Variants in INTS14 observed in about 807,000 individuals in gnomAD.
INTS14 encodes the protein UPF0464 protein C15orf44.
A neutral mutation model predicts 56.9 loss-of-function variants in INTS14; 27 were observed. That is an observed-to-expected ratio of 0.47 (90% CI 0.35 to 0.65). The LOEUF (loss-of-function observed/expected upper bound fraction) is 0.65. Among genes scored for constraint, INTS14 ranks in the 30% least tolerant of loss-of-function variants. The pLI, the probability that INTS14 is intolerant of heterozygous loss-of-function variation, is 0.00. For missense variants in INTS14, 517 were observed against 632.2 expected (o/e 0.82, Z 1.95); for synonymous variants, 207 against 236.2 (o/e 0.88, Z 1.13).
rs754262691 is a variant in INTS14 at position 65,599,972 on chromosome 15, A to G, written c.331-43T>C. ...GAGAGGAGGTTGTACATTAAATTAC[A>G]TATTTAACGCAGTCCCATTTAGCAG... On this transcript the variant is annotated intron_variant, in intron 3 of 11. Transcript: ENST00000313182. The G allele has an allele frequency of 5.0e-6, 8 of 1,585,530 alleles. No individual in the cohort carries two copies. The East Asian group carries it at 9.0e-5, about 18-fold the overall frequency.
chr15:65,593,631 A>C, intron 7 of INTS14, 59 bp from the exon 8 acceptor site: 1 of 1,567,176 alleles, frequency 6.4e-7, no homozygotes, highest in Non-Finnish European at 8.6e-7. Flanking sequence ...CCCAAACCCC[A>C]ATTTATACTC....
At chr15:65,588,240 G>A (rs1285497238) in intron 9 of INTS14, among the ~76,000 whole-genome samples, 1 of 152,010 alleles carries the variant, frequency 6.6e-6, no homozygotes, top group Non-Finnish European at 1.5e-5. Context: ...AGTGAGCTGA[G>A]ATCACGCCAC....
At chr15:65,610,639 A>C (rs2141350162) in intron 1 of INTS14, 1 of 1,515,252 alleles carries the variant, frequency 6.6e-7, no homozygotes, top group East Asian at 2.4e-5. Context: ...GATTCTCAGC[A>C]GTCTCGCTCT....
chr15:65,595,216 G>C (rs371043871), intron 7 of INTS14, among the ~76,000 whole-genome samples: 147 of 152,332 alleles, frequency 9.6e-4, no homozygotes, highest in African/African-American at 3.4e-3. Context: ...TGCTGAATTT[G>C]AGGAGATGAC....
At chr15:65,599,999 GTTTT>G in intron 3 of INTS14, 70 bp from the exon 4 acceptor site, 1 of 1,506,718 alleles carries the variant, frequency 6.6e-7, no homozygotes, top group Non-Finnish European at 9.0e-7. Context: ...ATTTAGCAGT[GTTTT>G]CACTGCTAGA....
intron 6 of INTS14, among the ~76,000 whole-genome samples, chr15:65,596,658 C>T (rs950496956): frequency 3.9e-5 from 6 of 152,128 alleles, no homozygotes; most frequent in Admixed American, 2.0e-4. Flanking sequence ...GCAACCTCCT[C>T]CTCCTGAGTT....
At chr15:65,587,705 G>A (rs1234197834) in intron 9 of INTS14, among the ~76,000 whole-genome samples, 1 of 152,214 alleles carries the variant, frequency 6.6e-6, no homozygotes, top group Non-Finnish European at 1.5e-5. Flanking sequence ...AAAGGGCTGA[G>A]TGTGGTGGCT....
intron 1 of INTS14, among the ~76,000 whole-genome samples, chr15:65,608,285 A>G (rs1236066126): frequency 7.0e-6 from 1 of 142,296 alleles, no homozygotes; most frequent in African/African-American, 2.6e-5. Flanking sequence ...TGAACACAGG[A>G]GGTGGAAGTT....
chr15:65,607,561 A>G (rs1219231909), intron 1 of INTS14, 119 bp from the exon 2 acceptor site: 16 of 1,184,936 alleles, frequency 1.4e-5, no homozygotes, highest in Non-Finnish European at 1.7e-5. Context: ...GAGGTGAGGA[A>G]TAATCTGTAG....
chr15:65,608,959 G>A lies in INTS14; in HGVS notation c.-62-1517C>T, dbSNP rs571724758. Reference sequence around the variant, plus strand: ...GTCGCCCAGGCTGGAGTGCAGTGGCGCGATCTCCGCTCACTGCAAGCACCG... The same window carrying A: ...GTCGCCCAGGCTGGAGTGCAGTGGCACGATCTCCGCTCACTGCAAGCACCG... On this transcript the variant is annotated intron_variant, in intron 1 of 11. Coordinates refer to ENST00000313182, the MANE Select transcript of INTS14 (RefSeq NM_001394796.1). Among the ~76,000 whole-genome samples, 4 of 152,268 alleles carry A rather than the reference G, an allele frequency of 2.6e-5. No homozygotes were observed. In the East Asian group the frequency reaches 7.7e-4, roughly 29 times the overall value.
chr15:65,608,099 G>A (rs765763184), intron 1 of INTS14, among the ~76,000 whole-genome samples: 2 of 152,134 alleles, frequency 1.3e-5, no homozygotes, highest in Non-Finnish European at 2.9e-5. Flanking sequence ...TGTAAGGTCG[G>A]GCACAGTGGC....
intron 1 of INTS14, among the ~76,000 whole-genome samples, chr15:65,608,034 A>G (rs967144210): frequency 6.6e-6 from 1 of 152,274 alleles, no homozygotes; most frequent in African/African-American, 2.4e-5. Context: ...TTCATTGTAC[A>G]TAAACTGGCC....
chr15:65,589,797 G>A (rs896485772), intron 9 of INTS14, among the ~76,000 whole-genome samples: 1 of 151,964 alleles, frequency 6.6e-6, no homozygotes, highest in African/African-American at 2.4e-5. Context: ...ACTGCCCTGA[G>A]CAATCTCCCT....
chr15:65,606,994 C>A (rs967161904), intron 2 of INTS14, among the ~76,000 whole-genome samples, 165 bp downstream of exon 2: 1 of 152,136 alleles, frequency 6.6e-6, no homozygotes, highest in Admixed American at 6.5e-5. Flanking sequence ...AAACAGTAGG[C>A]ATAAGACCTA....
chr15:65,608,967 C>T (rs761111222), intron 1 of INTS14, among the ~76,000 whole-genome samples: 5 of 152,144 alleles, frequency 3.3e-5, no homozygotes, highest in East Asian at 1.9e-4. Context: ...GCGCGATCTC[C>T]GCTCACTGCA....
At chr15:65,609,507 G>A (rs1428766803) in intron 1 of INTS14, among the ~76,000 whole-genome samples, 1 of 151,980 alleles carries the variant, frequency 6.6e-6, no homozygotes. Context: ...TGCCCATGAT[G>A]TCTCCTCAAA....
chr15:65,583,010 A>C (rs973716119), intron 10 of INTS14, among the ~76,000 whole-genome samples: 12 of 152,190 alleles, frequency 7.9e-5, no homozygotes, highest in African/African-American at 2.9e-4. Flanking sequence ...TATGATAGCT[A>C]TATGATAATA....
chr15:65,591,796 C>A, intron 8 of INTS14, 65 bp from the exon 9 acceptor site: 2 of 1,557,436 alleles, frequency 1.3e-6, no homozygotes, highest in South Asian at 2.4e-5. Flanking sequence ...TTAAATAAGT[C>A]TAGCCTGTAT....
intron 1 of INTS14, 195 bp downstream of exon 1, chr15:65,610,903 G>A (rs1456745819): frequency 2.7e-6 from 4 of 1,472,928 alleles, no homozygotes; most frequent in African/African-American, 1.4e-5. Context: ...CGGAGCTGGG[G>A]ACCCCGAGCC....
Sources: gnomAD v4.1 joint callset for allele counts (sites outside exome capture counted in the v4.1 genomes callset) on GRCh38, gnomAD v4.1.1 for gene constraint, MANE v1.5 for transcripts, NCBI Gene and HGNC (gene_info 2026-07-23, HGNC 2026-07-21) for gene names.